Variants in MALRD1 observed in about 807,000 individuals in gnomAD.
MALRD1 encodes MAM and LDL-receptor class A domain-containing protein 1.
A neutral mutation model predicts 242.1 loss-of-function variants in MALRD1; 247 were observed. The ratio of observed to expected loss-of-function variants is 1.02; its 90% CI spans 0.92 to 1.13. The LOEUF is 1.13. Ranked by LOEUF, MALRD1 falls within the 50% of genes most tolerant of loss-of-function variation. The probability of loss-of-function intolerance (pLI) is 0.00; values close to 1 mark genes in which losing one functional copy is unlikely to be tolerated. For missense variants in MALRD1, 2,989 were observed against 2,533.1 expected, an observed-to-expected ratio of 1.18 and a Z score of -3.86; for synonymous variants, 995 against 866.6, an observed-to-expected ratio of 1.15 and a Z score of -2.60.
chr10:19,183,699 T>G (rs1588665879), intron 14 of MALRD1, among the ~76,000 whole-genome samples: 1 of 152,138 alleles, frequency 6.6e-6, no homozygotes, highest in African/African-American at 2.4e-5. Context: ...TAGAAAAAAA[T>G]AGCAAACATA....
intron 5 of MALRD1, among the ~76,000 whole-genome samples, chr10:19,108,287 A>G (rs1280965388): frequency 7.1e-6 from 1 of 141,764 alleles, no homozygotes; most frequent in Non-Finnish European, 1.6e-5. Context: ...CCTCAATTGT[A>G]TTTTTTGTTT....
intron 36 of MALRD1, among the ~76,000 whole-genome samples, chr10:19,617,899 G>T (rs1335432383): frequency 1.3e-5 from 2 of 151,906 alleles, no homozygotes; most frequent in Non-Finnish European, 2.9e-5. Context: ...TCATCATGGG[G>T]GATTTTGTAC....
intron 36 of MALRD1, among the ~76,000 whole-genome samples, chr10:19,628,777 G>GA (rs1839787887): frequency 6.6e-6 from 1 of 151,980 alleles, no homozygotes; most frequent in Non-Finnish European, 1.5e-5. Flanking sequence ...AGAAACAAAG[G>GA]AAAAAAGAGT....
intron 28 of MALRD1, among the ~76,000 whole-genome samples, chr10:19,449,697 G>T (rs1835213828): frequency 6.6e-6 from 1 of 152,040 alleles, no homozygotes; most frequent in Non-Finnish European, 1.5e-5. Context: ...GAAGATTGGA[G>T]GTTTTATAAA....
intron 26 of MALRD1, among the ~76,000 whole-genome samples, chr10:19,379,278 A>G (rs1845737355): frequency 6.6e-6 from 1 of 152,004 alleles, no homozygotes; most frequent in Non-Finnish European, 1.5e-5. Context: ...TGTTTTTCAC[A>G]ATTGTTCATT....
intron 28 of MALRD1, among the ~76,000 whole-genome samples, chr10:19,439,914 A>G (rs941065868): frequency 6.6e-6 from 1 of 152,100 alleles, no homozygotes; most frequent in Admixed American, 6.6e-5. Context: ...GTGTGTCAAA[A>G]CTTACATTTT....
intron 30 of MALRD1, among the ~76,000 whole-genome samples, chr10:19,495,498 A>G (rs1222614299): frequency 1.3e-5 from 2 of 152,096 alleles, no homozygotes; most frequent in African/African-American, 4.8e-5. Context: ...ATACAGGCAA[A>G]CTAAACTTCA....
intron 28 of MALRD1, among the ~76,000 whole-genome samples, chr10:19,394,427 A>G (rs1417479605): frequency 2.0e-5 from 3 of 152,188 alleles, no homozygotes; most frequent in Non-Finnish European, 4.4e-5. Flanking sequence ...TTTGCTATGT[A>G]ATAGGGAAAT....
At chr10:19,157,436 T>A (rs187281934) in intron 12 of MALRD1, among the ~76,000 whole-genome samples, 20 of 151,718 alleles carry the variant, frequency 1.3e-4, no homozygotes, top group Admixed American at 2.0e-4. Flanking sequence ...TTTAGTGGAG[T>A]CGGGGTTTCA....
chr10:19,237,198 TA>T (rs1838358341), intron 18 of MALRD1, among the ~76,000 whole-genome samples: 1 of 151,866 alleles, frequency 6.6e-6, no homozygotes, highest in African/African-American at 2.4e-5. Flanking sequence ...CTTTTAACTA[TA>T]GTCACCCTGC....
intron 14 of MALRD1, among the ~76,000 whole-genome samples, chr10:19,194,939 T>TG (rs1281108396): frequency 6.6e-6 from 1 of 152,186 alleles, no homozygotes; most frequent in Non-Finnish European, 1.5e-5. Flanking sequence ...AATCTCAGTC[T>TG]GAAAATATAA....
At chr10:19,284,273 T>C (rs1377375166) in intron 21 of MALRD1, among the ~76,000 whole-genome samples, 1 of 151,854 alleles carries the variant, frequency 6.6e-6, no homozygotes, top group Admixed American at 6.6e-5. Context: ...CATTATACTT[T>C]AAGTTTTAGG....
chr10:19,453,841 C>T (rs1020652419), intron 29 of MALRD1, among the ~76,000 whole-genome samples: 2 of 151,380 alleles, frequency 1.3e-5, no homozygotes, highest in African/African-American at 2.4e-5. Context: ...CGCACCACTG[C>T]GTTCCAGCTA....
Position 19,712,594 on chromosome 10 carries a change from C to A in MALRD1, c.6315-18112C>A, listed in dbSNP as rs145018367. 5.7e-3 allele frequency among the ~76,000 whole-genome samples: 871 copies of A among 152,224 alleles called. 4 individuals carry two copies. The highest frequency in any genetic ancestry group is 0.02 in the African/African-American group (832 of 41,536). On this transcript the variant is annotated intron_variant, in intron 38 of 39. Transcript: ENST00000454679. ...CTGCTAGGTGATTGCTAAGGGAAAT[C>A]ATGAAAGCTGATAATTAACTTCAAC...
intron 24 of MALRD1, among the ~76,000 whole-genome samples, chr10:19,334,349 G>T (rs1254572684): frequency 6.6e-6 from 1 of 151,018 alleles, no homozygotes; most frequent in Non-Finnish European, 1.5e-5. Flanking sequence ...TATGATAAAA[G>T]GTAGAGTTCC....
Position 19,303,338 on chromosome 10 carries a change from C to T in MALRD1, c.3419+20157C>T, listed in dbSNP as rs183299424. Among the ~76,000 whole-genome samples the T allele has an allele frequency of 1.1e-4, 16 of 151,556 alleles. No individual in the cohort carries two copies. In the East Asian group the frequency reaches 1.4e-3, roughly 13 times the overall value. Reference sequence around the variant, plus strand: ...AATAAAATAGTCATTACACCAAGTACGATAGTACCAAGTTTGGGTATCTCT... The same window carrying T: ...AATAAAATAGTCATTACACCAAGTATGATAGTACCAAGTTTGGGTATCTCT... On this transcript the variant is annotated intron_variant, in intron 21 of 39. Coordinates refer to ENST00000454679, the MANE Select transcript of MALRD1 (RefSeq NM_001142308.3).
intron 28 of MALRD1, among the ~76,000 whole-genome samples, chr10:19,439,144 A>T (rs1406939547): frequency 6.6e-6 from 1 of 152,158 alleles, no homozygotes; most frequent in Non-Finnish European, 1.5e-5. Context: ...AATTTTAATT[A>T]AAATTTAATT....
At chr10:19,284,324 A>G (rs1441712255) in intron 21 of MALRD1, among the ~76,000 whole-genome samples, 1 of 151,120 alleles carries the variant, frequency 6.6e-6, no homozygotes, top group Admixed American at 6.6e-5. Flanking sequence ...ATATGTATAC[A>G]TGTGCCACGC....
At chr10:19,222,050 G>A (rs747388279) in intron 18 of MALRD1, among the ~76,000 whole-genome samples, 6 of 151,998 alleles carry the variant, frequency 3.9e-5, no homozygotes, top group Non-Finnish European at 8.8e-5. Flanking sequence ...TCCGTGGCCA[G>A]TTTTGAAACT....
Sources: allele counts gnomAD v4.1 joint callset (sites outside exome capture counted in the v4.1 genomes callset), GRCh38; gene constraint gnomAD v4.1.1; transcripts MANE v1.5; gene names NCBI Gene and HGNC (gene_info 2026-07-23, HGNC 2026-07-21).